Variants in SH3PXD2A observed in about 807,000 individuals in gnomAD.
SH3PXD2A encodes SH3 and PX domain-containing protein 2A.
In SH3PXD2A, 32 loss-of-function variants were observed where a neutral mutation model predicts 115.2. The ratio of observed to expected loss-of-function variants is 0.28; its 90% confidence interval spans 0.21 to 0.37. The LOEUF is 0.37. Among genes scored for constraint, SH3PXD2A ranks in the 10% least tolerant of loss-of-function variants. The probability of loss-of-function intolerance (pLI) is 1.00; values close to 1 mark genes in which losing one functional copy is unlikely to be tolerated. For synonymous variants in SH3PXD2A, 610 were observed against 629.1 expected, an observed-to-expected ratio of 0.97 and a Z score of 0.45; for missense variants, 1,328 against 1,498.7, an observed-to-expected ratio of 0.89 and a Z score of 1.88.
chr10:103,796,342 G>A (rs1174387306), intron 2 of SH3PXD2A, among the ~76,000 whole-genome samples: 3 of 148,606 alleles, frequency 2.0e-5, no homozygotes, highest in East Asian at 2.0e-4. Flanking sequence ...CAGCCTGGGC[G>A]ACACAGCGAG....
chr10:103,608,168 A>AGTTT (rs1432215255), intron 13 of SH3PXD2A, among the ~76,000 whole-genome samples: 6 of 81,594 alleles, frequency 7.4e-5, no homozygotes, highest in African/African-American at 1.0e-4. Context: ...AAAAAAAAAA[A>AGTTT]AAGAACACAG....
chr10:103,676,980 C>A (rs1564861193), intron 6 of SH3PXD2A, among the ~76,000 whole-genome samples: 1 of 152,142 alleles, frequency 6.6e-6, no homozygotes, highest in Non-Finnish European at 1.5e-5. Context: ...AGAGAAGGAG[C>A]AGCAGAGAGG....
At chr10:103,657,777 C>A (rs537383353) in intron 8 of SH3PXD2A, among the ~76,000 whole-genome samples, 1 of 152,188 alleles carries the variant, frequency 6.6e-6, no homozygotes, top group Non-Finnish European at 1.5e-5. Context: ...CAATGAACAA[C>A]ATGAATTCCC....
chr10:103,732,616 A>G (rs2038334144), intron 4 of SH3PXD2A, among the ~76,000 whole-genome samples: 1 of 152,248 alleles, frequency 6.6e-6, no homozygotes, highest in African/African-American at 2.4e-5. Flanking sequence ...CAGACTTTCC[A>G]TGTCTGAGTC....
intron 4 of SH3PXD2A, among the ~76,000 whole-genome samples, chr10:103,728,066 G>A (rs750975417): frequency 1.6e-4 from 24 of 152,366 alleles, no homozygotes; most frequent in Non-Finnish European, 2.9e-4. Flanking sequence ...CTAAAATTCT[G>A]CCATGAGACA....
At chr10:103,619,218 C>G (rs558541001) in intron 10 of SH3PXD2A, among the ~76,000 whole-genome samples, 1 of 152,350 alleles carries the variant, frequency 6.6e-6, no homozygotes, top group African/African-American at 2.4e-5. Context: ...CAGCCAGATT[C>G]TGACTCGGCC....
At chr10:103,680,851 C>T (rs181932794) in intron 6 of SH3PXD2A, among the ~76,000 whole-genome samples, 6 of 152,288 alleles carry the variant, frequency 3.9e-5, no homozygotes, top group Admixed American at 2.6e-4. Context: ...AAAAATGCCA[C>T]GTGCCGACTA....
intron 2 of SH3PXD2A, among the ~76,000 whole-genome samples, chr10:103,791,647 C>A (rs80331168): frequency 1.3e-5 from 2 of 151,868 alleles, no homozygotes; most frequent in Non-Finnish European, 2.9e-5. Context: ...GCTCTATCCC[C>A]GCTGCCACCA....
chr10:103,702,596 C>CGTGCGTGTGT (rs1554913268), intron 5 of SH3PXD2A, among the ~76,000 whole-genome samples: 1 of 147,448 alleles, frequency 6.8e-6, no homozygotes, highest in African/African-American at 2.5e-5. Context: ...TGTGTGTGTG[C>CGTGCGTGTGT]GTGTGTGTGT....
At chr10:103,607,043 A>T (rs1049180097) in intron 13 of SH3PXD2A, among the ~76,000 whole-genome samples, 4 of 147,128 alleles carry the variant, frequency 2.7e-5, no homozygotes, top group African/African-American at 1.0e-4. Flanking sequence ...CCCATCTAGG[A>T]AGTGAGGAGC....
chr10:103,838,073 G>A (rs1052183494), intron 1 of SH3PXD2A, among the ~76,000 whole-genome samples: 1 of 152,158 alleles, frequency 6.6e-6, no homozygotes, highest in Non-Finnish European at 1.5e-5. Context: ...CAGGGTGAAG[G>A]ACTCCTCACA....
At chr10:103,829,736 G>A (rs1005374136) in intron 1 of SH3PXD2A, among the ~76,000 whole-genome samples, 2 of 152,232 alleles carry the variant, frequency 1.3e-5, no homozygotes, top group South Asian at 4.1e-4. Flanking sequence ...GCTGGAACAA[G>A]GCAAGGTAAA....
chr10:103,845,869 C>T (rs769753823), intron 1 of SH3PXD2A, among the ~76,000 whole-genome samples: 42 of 152,326 alleles, frequency 2.8e-4, no homozygotes, highest in Admixed American at 5.2e-4. Context: ...TCAGGGACCA[C>T]ACAGTGATAG....
At chr10:103,832,369 A>G in intron 1 of SH3PXD2A, among the ~76,000 whole-genome samples, 1 of 121,838 alleles carries the variant, frequency 8.2e-6, no homozygotes, top group East Asian at 2.3e-4. Flanking sequence ...GAACCTAAAA[A>G]GAAAAAAAAA....
intron 3 of SH3PXD2A, among the ~76,000 whole-genome samples, chr10:103,762,036 T>TTTTTTA (rs1216043617): frequency 7.9e-6 from 1 of 126,778 alleles, no homozygotes; most frequent in Admixed American, 8.0e-5. Context: ...TTTTTTTTTT[T>TTTTTTA]TTTTGATACA....
At chr10:103,817,793 C>T (rs1196874222) in intron 1 of SH3PXD2A, among the ~76,000 whole-genome samples, 1 of 152,164 alleles carries the variant, frequency 6.6e-6, no homozygotes, top group Non-Finnish European at 1.5e-5. Flanking sequence ...AAACATTATG[C>T]TGAGTGAAAG....
chr10:103,652,869 G>A (rs1168004981), intron 8 of SH3PXD2A, among the ~76,000 whole-genome samples: 3 of 152,118 alleles, frequency 2.0e-5, no homozygotes, highest in South Asian at 2.1e-4. Flanking sequence ...GCTCCGCTGC[G>A]GGGCTTCGAG....
At chr10:103,741,550 C>G (rs1350580043) in intron 3 of SH3PXD2A, among the ~76,000 whole-genome samples, 2 of 152,170 alleles carry the variant, frequency 1.3e-5, no homozygotes, top group African/African-American at 2.4e-5. Context: ...GGGTCAGCAG[C>G]CCCTTGGGCT....
chr10:103,604,322 C>T lies in SH3PXD2A; in HGVS notation c.1429-533G>A, dbSNP rs571376901. The stretch of plus-strand genomic sequence containing the variant: ...GCAGAGCCTTTCCCCAGGATCCACC[C>T]GCTGTGGTCATCTTACTGGAATCCC... On this transcript the variant is annotated intron_variant, in intron 14 of 14. Transcript: ENST00000369774. 3.9e-5 allele frequency among the ~76,000 whole-genome samples: 6 copies of T among 152,334 alleles called. No individual in the cohort carries two copies. In the South Asian group the frequency reaches 1.0e-3, roughly 26 times the overall value.
Sources: allele counts gnomAD v4.1 joint callset (sites outside exome capture counted in the v4.1 genomes callset), GRCh38; gene constraint gnomAD v4.1.1; transcripts MANE v1.5; gene names NCBI Gene and HGNC (gene_info 2026-07-23, HGNC 2026-07-21).